The following SLC24A2 variants were observed in gnomAD, a reference collection of about 807,000 sequenced individuals.
The protein encoded by SLC24A2 is solute carrier family 24 member 2, also known as sodium/potassium/calcium exchanger 2.
Under a neutral mutation model 62.0 loss-of-function variants are expected in SLC24A2, and 36 were observed. The ratio of observed to expected loss-of-function variants is 0.58; its 90% CI spans 0.44 to 0.77. SLC24A2 has a LOEUF of 0.77. Among genes scored for constraint, SLC24A2 ranks in the 30% least tolerant of loss-of-function variants. The pLI, the probability that SLC24A2 is intolerant of heterozygous loss-of-function variation, is 0.00. For synonymous variants in SLC24A2, 358 were observed against 294.0 expected (o/e 1.22, Z -2.23); for missense variants, 846 against 817.9 (o/e 1.03, Z -0.42).
At chr9:20,157,894 AC>A in the SLC24A2 span, among the ~76,000 whole-genome samples, 1 of 151,586 alleles carries the variant, frequency 6.6e-6, no homozygotes, top group East Asian at 1.9e-4. Flanking sequence ...AATCCTGTCC[AC>A]AAAATATCTA....
the SLC24A2 span, among the ~76,000 whole-genome samples, chr9:20,047,329 G>C: frequency 1.3e-5 from 2 of 151,864 alleles, no homozygotes; most frequent in African/African-American, 4.8e-5. Context: ...GAGGGTTATA[G>C]GGTCTACTGC....
intron 2 of SLC24A2, among the ~76,000 whole-genome samples, chr9:19,654,450 C>G (rs10964242): frequency 9.2e-5 from 14 of 151,910 alleles, no homozygotes; most frequent in Non-Finnish European, 2.1e-4. Context: ...TTCTCCTCAA[C>G]TGGTTAGTGG....
the SLC24A2 span, among the ~76,000 whole-genome samples, chr9:20,267,129 A>T: frequency 6.6e-6 from 1 of 152,180 alleles, no homozygotes; most frequent in Non-Finnish European, 1.5e-5. Flanking sequence ...TACTTTTGAA[A>T]CAAATTTCTG....
chr9:20,036,772 T>C, the SLC24A2 span, among the ~76,000 whole-genome samples: 1 of 152,218 alleles, frequency 6.6e-6, no homozygotes, highest in South Asian at 2.1e-4. Flanking sequence ...CAATGCAGGA[T>C]GCTTGATTCC....
intron 2 of SLC24A2, among the ~76,000 whole-genome samples, chr9:19,627,918 T>C (rs777225493): frequency 1.3e-5 from 2 of 152,170 alleles, no homozygotes; most frequent in African/African-American, 4.8e-5. Context: ...AGATAACAAA[T>C]AGTAGTCTTA....
At chr9:19,711,304 C>G (rs1046466014) in intron 2 of SLC24A2, among the ~76,000 whole-genome samples, 3 of 152,196 alleles carry the variant, frequency 2.0e-5, no homozygotes, top group Non-Finnish European at 2.9e-5. Flanking sequence ...TTTTCTTGAG[C>G]TTTAAATTAG....
chr9:20,187,197 G>A, the SLC24A2 span, among the ~76,000 whole-genome samples: 1 of 152,130 alleles, frequency 6.6e-6, no homozygotes, highest in Non-Finnish European at 1.5e-5. Flanking sequence ...TTCTATAATG[G>A]AACAGATCTT....
chr9:19,843,603 C>T, the SLC24A2 span, among the ~76,000 whole-genome samples: 3 of 152,118 alleles, frequency 2.0e-5, no homozygotes, highest in Non-Finnish European at 2.9e-5. Context: ...TGAGGTTTGG[C>T]GTGTGATTAA....
the SLC24A2 span, among the ~76,000 whole-genome samples, chr9:19,872,454 T>C: frequency 1.3e-5 from 2 of 152,244 alleles, no homozygotes; most frequent in Non-Finnish European, 2.9e-5. Flanking sequence ...AGTGTATGCA[T>C]GTGTTACCTT....
the SLC24A2 span, among the ~76,000 whole-genome samples, chr9:20,033,177 A>G: frequency 6.6e-6 from 1 of 152,196 alleles, no homozygotes; most frequent in East Asian, 1.9e-4. Flanking sequence ...TAGGTTAAAA[A>G]TCCCTCATAC....
At chr9:19,796,448 TTC>T in the SLC24A2 span, among the ~76,000 whole-genome samples, 2 of 152,222 alleles carry the variant, frequency 1.3e-5, no homozygotes, top group East Asian at 3.9e-4. Flanking sequence ...TCTAGGAATT[TTC>T]TGTTTCTCTT....
the SLC24A2 span, among the ~76,000 whole-genome samples, chr9:20,295,349 T>G: frequency 6.6e-6 from 1 of 152,226 alleles, no homozygotes; most frequent in Non-Finnish European, 1.5e-5. Context: ...GGCAAACTAT[T>G]ACCTTGTTAG....
intron 4 of SLC24A2, among the ~76,000 whole-genome samples, chr9:19,606,715 G>C (rs1412963238): frequency 6.6e-6 from 1 of 152,196 alleles, no homozygotes; most frequent in Non-Finnish European, 1.5e-5. Flanking sequence ...AAGCAACAAT[G>C]CTGATTGACT....
At chr9:19,864,025 A>T in the SLC24A2 span, among the ~76,000 whole-genome samples, 4 of 152,056 alleles carry the variant, frequency 2.6e-5, no homozygotes, top group African/African-American at 7.2e-5. Context: ...ACAGAAATTC[A>T]AAGGATCGTT....
intron 2 of SLC24A2, among the ~76,000 whole-genome samples, chr9:19,646,382 T>A (rs913912205): frequency 3.7e-4 from 57 of 152,330 alleles, no homozygotes; most frequent in African/African-American, 1.3e-3. Flanking sequence ...AAAACTGGTA[T>A]CCTCCTCAGC....
the SLC24A2 span, among the ~76,000 whole-genome samples, chr9:20,266,473 G>C: frequency 6.6e-6 from 1 of 151,940 alleles, no homozygotes; most frequent in Admixed American, 6.6e-5. Context: ...TCTTCTCATA[G>C]TTATAGTTCT....
chr9:20,228,835 GCTAAGGCTGTTCA>G, the SLC24A2 span, among the ~76,000 whole-genome samples: 1 of 152,066 alleles, frequency 6.6e-6, no homozygotes, highest in Admixed American at 6.6e-5. Context: ...AGGAAGGAGA[GCTAAGGCTGTTCA>G]CTCTGTAGAA....
the SLC24A2 span, among the ~76,000 whole-genome samples, chr9:20,284,013 G>C: frequency 6.6e-6 from 1 of 152,088 alleles, no homozygotes; most frequent in Non-Finnish European, 1.5e-5. Context: ...TACATTCAAT[G>C]AACATTTTTA....
chr9:20,106,748 A>G, the SLC24A2 span, among the ~76,000 whole-genome samples: 1 of 152,176 alleles, frequency 6.6e-6, no homozygotes, highest in African/African-American at 2.4e-5. Flanking sequence ...TACCATACTG[A>G]ATGGACAAAA....
Sources: allele counts gnomAD v4.1 joint callset (sites outside exome capture counted in the v4.1 genomes callset), GRCh38; gene constraint gnomAD v4.1.1; transcripts MANE v1.5; gene names NCBI Gene and HGNC (gene_info 2026-07-23, HGNC 2026-07-21).